Variants in EML5 observed in about 807,000 individuals in gnomAD.
The protein encoded by EML5 is EMAP like 5, also known as echinoderm microtubule-associated protein-like 5.
In EML5, 120 loss-of-function variants were observed where a neutral mutation model predicts 250.0. The ratio of observed to expected loss-of-function variants is 0.48; its 90% CI spans 0.41 to 0.56. The LOEUF is 0.56. EML5 is among the 20% of genes least tolerant of loss of function. The probability of loss-of-function intolerance (pLI) is 0.00; values close to 1 mark genes in which losing one functional copy is unlikely to be tolerated. For synonymous variants in EML5, 771 were observed against 806.5 expected (o/e 0.96, Z 0.75); for missense variants, 2,006 against 2,437.6 (o/e 0.82, Z 3.73).
chr14:88,768,110 T>C (rs562600644), intron 1 of EML5, among the ~76,000 whole-genome samples: 44 of 152,278 alleles, frequency 2.9e-4, no homozygotes, highest in African/African-American at 1.0e-3. Flanking sequence ...ATGATTAAAG[T>C]GGGGTTATGC....
At chr14:88,685,850 T>G (rs571260213) in intron 19 of EML5, among the ~76,000 whole-genome samples, 1 of 152,352 alleles carries the variant, frequency 6.6e-6, no homozygotes, top group South Asian at 2.1e-4. Context: ...ATTATTTTTA[T>G]TGTTCTATTG....
intron 10 of EML5, among the ~76,000 whole-genome samples, chr14:88,709,027 T>C (rs1008923303): frequency 2.6e-5 from 4 of 152,136 alleles, no homozygotes; most frequent in Admixed American, 2.6e-4. Context: ...TCTTTTATAA[T>C]GTGTTTTAAT....
chr14:88,708,461 A>G (rs1415153139), intron 10 of EML5, among the ~76,000 whole-genome samples: 2 of 152,176 alleles, frequency 1.3e-5, no homozygotes, highest in African/African-American at 4.8e-5. Flanking sequence ...TGCCTGGTAT[A>G]TAGCAAACAC....
At chr14:88,696,031 C>T (rs1047610641) in intron 15 of EML5, among the ~76,000 whole-genome samples, 7 of 151,996 alleles carry the variant, frequency 4.6e-5, no homozygotes, top group African/African-American at 1.4e-4. Flanking sequence ...GCTCAGACCA[C>T]AAGAAAATAT....
chr14:88,790,791 T>C (rs1424346063), intron 1 of EML5, among the ~76,000 whole-genome samples: 1 of 152,138 alleles, frequency 6.6e-6, no homozygotes, highest in African/African-American at 2.4e-5. Context: ...GACAAGACAC[T>C]GGGGTAAACT....
chr14:88,663,789 C>T (rs2092214476), intron 23 of EML5, among the ~76,000 whole-genome samples: 1 of 151,582 alleles, frequency 6.6e-6, no homozygotes, highest in Admixed American at 6.6e-5. Flanking sequence ...CCAGCCTTGG[C>T]CTCCCAAAGT....
rs1486151429 is a variant in EML5 at position 88,620,295 on chromosome 14, C to T, written c.5375+459G>A. 6.6e-6 allele frequency: 1 copy of T among 152,654 alleles called. No individual in the cohort carries two copies. The highest frequency in any genetic ancestry group is 6.5e-5 in the Admixed American group (1 of 15,280). The allele number at this position is 152,654 out of a possible 1,614,324, so 9.5% of individuals were successfully genotyped here. ...CACTGAAAAACAAAGGTTTAAGAAA[C>T]ATTTAAATTAATTTGGATTCTGGAA... On this transcript the variant is annotated intron_variant, in intron 39 of 43. Coordinates refer to ENST00000554922, the MANE Select transcript of EML5 (RefSeq NM_183387.3). This position sits in a 1 kb window ranked among gnomAD's most constrained non-coding sequence, Gnocchi z 4.3.
chr14:88,616,324 G>T, intron 42 of EML5, 82 bp from the exon 43 acceptor site: 4 of 1,332,368 alleles, frequency 3.0e-6, no homozygotes, highest in Non-Finnish European at 4.3e-6. Flanking sequence ...TAATCTCTAT[G>T]ACAAGAGCTG....
chr14:88,770,921 T>C (rs1378169409), intron 1 of EML5, among the ~76,000 whole-genome samples: 3 of 152,232 alleles, frequency 2.0e-5, no homozygotes, highest in East Asian at 3.8e-4. Flanking sequence ...CTTCTTCCTA[T>C]TAATATTGCT....
intron 8 of EML5, among the ~76,000 whole-genome samples, chr14:88,718,253 C>T (rs1005928784): frequency 2.6e-5 from 4 of 152,060 alleles, no homozygotes; most frequent in South Asian, 4.1e-4. Flanking sequence ...ATGCATAGCT[C>T]GAGTTTTGAG....
At position 88,763,005 on chromosome 14, in the gene EML5, A is replaced by G. The variant is rs550425358; in HGVS notation, c.198-8334T>C. Among the ~76,000 whole-genome samples, 57 of 152,352 alleles carry G rather than the reference A, an allele frequency of 3.7e-4. 1 individual carries two copies. The South Asian group carries it at 9.9e-3, about 27-fold the overall frequency. On this transcript the variant is annotated intron_variant, in intron 1 of 43. Coordinates refer to ENST00000554922, the MANE Select transcript of EML5 (RefSeq NM_183387.3). ...ACCAGACTCTCTGGGACACAGCTAAAGAAGTGTTTAGAGAGAAATTTATAG... is the reference window on the plus strand; with the variant it reads ...ACCAGACTCTCTGGGACACAGCTAAGGAAGTGTTTAGAGAGAAATTTATAG...
chr14:88,680,092 A>G (rs906151497), intron 21 of EML5, among the ~76,000 whole-genome samples: 1 of 152,230 alleles, frequency 6.6e-6, no homozygotes, highest in Non-Finnish European at 1.5e-5. Flanking sequence ...ACCAATTAAA[A>G]TACTGCACAG....
At chr14:88,642,847 T>C in intron 31 of EML5, 46 bp downstream of exon 31, 1 of 1,550,166 alleles carries the variant, frequency 6.5e-7, no homozygotes, top group Non-Finnish European at 8.7e-7. Flanking sequence ...TCAAAATTTC[T>C]AAGTTAAAAA....
At position 88,634,472 on chromosome 14, in the gene EML5, A is replaced by C; in HGVS notation, c.4354T>G (p.Ser1452Ala). Residue 1452 changes from serine to alanine, a missense_variant, in exon 33 of 44, where the codon TCA becomes GCA. Transcript: ENST00000554922. Reference protein sequence around the residue: ...TGQVGDSADMSATAPSIHIWD... With the variant: ...TGQVGDSADMAATAPSIHIWD... ...GAAAATGTTTAGTTTTCCTTACCTG[A>C]CATGTCTGCTGAATCACCTATAATG... is the stretch of plus-strand genomic sequence containing the variant. 1 of 1,472,446 alleles carries C rather than the reference A, an allele frequency of 6.8e-7. No homozygotes were observed. Among genetic ancestry groups the C allele is most frequent in the Non-Finnish European group, 9.1e-7 (1 of 1,101,388 alleles). 91.2% of individuals were successfully genotyped at this position (1,472,446 alleles called of 1,614,324 possible). A position where few individuals can be genotyped will look rare whatever the true frequency, so the allele number is the denominator to read the frequency against.
chr14:88,636,629 A>G (rs972246453), intron 32 of EML5, among the ~76,000 whole-genome samples: 4 of 152,166 alleles, frequency 2.6e-5, no homozygotes, highest in African/African-American at 9.7e-5. Flanking sequence ...CCACTGCACT[A>G]CAGCCTGGGC....
chr14:88,713,391 CA>C (rs61528440), intron 9 of EML5, among the ~76,000 whole-genome samples: 94,505 of 147,622 alleles, frequency 0.64, 31,715 homozygotes, highest in East Asian at 0.93. Flanking sequence ...AACTCCGTCT[CA>C]AAAAAAAAAA....
chr14:88,774,038 G>A (rs1595857100), intron 1 of EML5, among the ~76,000 whole-genome samples: 2 of 152,058 alleles, frequency 1.3e-5, no homozygotes, highest in South Asian at 2.1e-4. Context: ...ATAATCGCTC[G>A]AACCCGGAGG....
At chr14:88,660,012 G>C (rs959664850) in intron 25 of EML5, among the ~76,000 whole-genome samples, 2 of 151,888 alleles carry the variant, frequency 1.3e-5, no homozygotes, top group African/African-American at 4.8e-5. Flanking sequence ...ACAGTGACTC[G>C]CGCCTGTAAT....
At chr14:88,774,188 T>TA (rs1425573096) in intron 1 of EML5, among the ~76,000 whole-genome samples, 1 of 152,184 alleles carries the variant, frequency 6.6e-6, no homozygotes, top group Admixed American at 6.5e-5. Context: ...GCTCTACACT[T>TA]AGAGTTTCTA....
Sources: gnomAD v4.1 joint callset for allele counts (sites outside exome capture counted in the v4.1 genomes callset) on GRCh38, gnomAD v4.1.1 for gene constraint, Gnocchi (gnomAD v3.1) non-coding constraint, MANE v1.5 for transcripts, NCBI Gene and HGNC (gene_info 2026-07-23, HGNC 2026-07-21) for gene names.